Variants in TBCD observed in about 807,000 individuals in gnomAD.
TBCD encodes the protein tubulin-specific chaperone D.
In TBCD, 105 loss-of-function variants were observed where a neutral mutation model predicts 169.3. That is an observed-to-expected ratio of 0.62 (90% confidence interval 0.53 to 0.73). The LOEUF is 0.73. Ranked by LOEUF, TBCD falls within the 30% of genes least tolerant of loss-of-function variation. The pLI is 0.00. For synonymous variants in TBCD, 700 were observed against 643.9 expected (o/e 1.09, Z -1.32); for missense variants, 1,444 against 1,600.1 (o/e 0.90, Z 1.66).
At chr17:82,918,237 G>C (rs2061191797) in intron 23 of TBCD, 1 of 152,236 alleles carries the variant, frequency 6.6e-6, no homozygotes, top group Non-Finnish European at 1.5e-5. Context: ...TGTGTGTCTA[G>C]TTTCGTGCAG....
chr17:82,791,701 C>T (rs945664535), intron 7 of TBCD, among the ~76,000 whole-genome samples: 7 of 152,222 alleles, frequency 4.6e-5, no homozygotes, highest in African/African-American at 1.2e-4. Context: ...GAGGTCACTA[C>T]GTGGGCTGCT....
chr17:82,871,994 C>T (rs1310573481), intron 14 of TBCD, among the ~76,000 whole-genome samples: 1 of 152,136 alleles, frequency 6.6e-6, no homozygotes, highest in Non-Finnish European at 1.5e-5. Flanking sequence ...CGGTGACAGG[C>T]GCTTTTCTCT....
rs760129732 is a variant in TBCD at position 82,870,246 on chromosome 17, G to A, written c.1341G>A (p.Ala447=). 5 of 1,613,212 alleles carry A rather than the reference G, an allele frequency of 3.1e-6. No individual in the cohort carries two copies. Among genetic ancestry groups the A allele is most frequent in the East Asian group, 2.2e-5 (1 of 44,878 alleles). ...LVDVVAVILK[A]LTYDEKRGAC... ...CAGTTGTCGCCGTGATCCTGAAGGC[G>A]CTGACCTACGACGAGAAGCGGGGTG... Residue 447 remains alanine (A), a synonymous_variant, in exon 14 of 39, where the codon GCG becomes GCA. Transcript: ENST00000355528.
intron 13 of TBCD, among the ~76,000 whole-genome samples, chr17:82,867,354 G>A (rs532761543): frequency 6.6e-6 from 1 of 152,332 alleles, no homozygotes; most frequent in South Asian, 2.1e-4. Flanking sequence ...GGGACTCAGC[G>A]GTTTGCACCC....
intron 7 of TBCD, among the ~76,000 whole-genome samples, chr17:82,788,930 A>G (rs2049501157): frequency 6.6e-6 from 1 of 152,230 alleles, no homozygotes; most frequent in Non-Finnish European, 1.5e-5. Flanking sequence ...GAAAGAAGAC[A>G]GCTGATTATC....
At chr17:82,827,193 C>T (rs752606553) in intron 13 of TBCD, among the ~76,000 whole-genome samples, 10 of 152,226 alleles carry the variant, frequency 6.6e-5, no homozygotes, top group Non-Finnish European at 8.8e-5. Context: ...TCCAAGCTCA[C>T]GCCTGACCTC....
intron 23 of TBCD, among the ~76,000 whole-genome samples, chr17:82,916,074 T>C (rs546296232): frequency 4.9e-4 from 75 of 152,358 alleles, no homozygotes; most frequent in African/African-American, 1.7e-3. Context: ...GGGAATTCAC[T>C]GGGATTTACC....
rs771971425 is a variant in TBCD at position 82,937,897 on chromosome 17, A to G, written c.3282-152A>G. ...GTGTAGGCACAGTGCAGATGTACGCACACACACACCTCCGGCTTGGGGCCC... is the reference window on the plus strand; with the variant it reads ...GTGTAGGCACAGTGCAGATGTACGCGCACACACACCTCCGGCTTGGGGCCC... On this transcript the variant is annotated intron_variant, in intron 35 of 38. Coordinates refer to ENST00000355528, the MANE Select transcript of TBCD (RefSeq NM_005993.5). 157 of 1,523,904 alleles carry G rather than the reference A, an allele frequency of 1.0e-4. 1 individual carries two copies. In the Middle Eastern group the frequency reaches 1.5e-3, roughly 15 times the overall value. 94.4% of individuals were successfully genotyped at this position (1,523,904 alleles called of 1,614,324 possible).
At chr17:82,855,991 C>G (rs1040744851) in intron 13 of TBCD, among the ~76,000 whole-genome samples, 102 of 128,060 alleles carry the variant, frequency 8.0e-4, no homozygotes, top group African/African-American at 3.2e-3. Context: ...ACTCCCCCCC[C>G]ACTTTTTTTT....
In TBCD at chr17:82,880,777, GGTCT is replaced by G. The variant is rs1485951167; in HGVS notation, c.1476-3364_1476-3361del. 6.6e-6 allele frequency among the ~76,000 whole-genome samples: 1 copy of G among 152,224 alleles called. No homozygotes were observed. Among genetic ancestry groups the G allele is most frequent in the Non-Finnish European group, 1.5e-5 (1 of 68,034 alleles). On this transcript the variant is annotated intron_variant, in intron 14 of 38. Coordinates refer to ENST00000355528, the MANE Select transcript of TBCD (RefSeq NM_005993.5). The surrounding 1 kb of genome is among the most constrained non-coding windows in gnomAD (Gnocchi z 5.0). ...GAGGGGCTGGGCGGGGAGGACGCAG[GGTCT>G]GTCGGAGCATAGCAGTGGCCCGTAC...
At position 82,831,392 on chromosome 17, in the gene TBCD, G is replaced by A. The variant is rs763602277; in HGVS notation, c.1318+16458G>A. ...GAAGGACTCGAGGCTGGATAGACCA[G>A]GGTGGCTTCTTCAAGCAGGTGAGAG... is the stretch of plus-strand genomic sequence containing the variant. On this transcript the variant is annotated intron_variant, in intron 13 of 38. Coordinates refer to ENST00000355528, the MANE Select transcript of TBCD (RefSeq NM_005993.5). This position sits in a 1 kb window ranked among gnomAD's most constrained non-coding sequence, Gnocchi z 4.6. 9 of 1,614,220 alleles carry A rather than the reference G, an allele frequency of 5.6e-6. No homozygotes were observed. Among genetic ancestry groups the A allele is most frequent in the South Asian group, 1.1e-5 (1 of 91,084 alleles).
rs1661301432 is a variant in TBCD, at chr17:82,807,662, C to G, written c.1142C>G (p.Ala381Gly). ...GACACGGTCGTGCGGTGGTCTGCAG[C>G]CAAGGGGTAGGTGTCTGTGGCCGCA... The part of the protein sequence containing the change: ...DKDTVVRWSA[A>G]KGIGRMAGRL... The change falls in exon 11 of 39, where the codon GCC becomes GGC. Residue 381 changes from alanine (A) to glycine (G), a missense_variant. Physicochemically the swap from Ala to Gly is moderately conservative, Grantham distance 60. Transcript: ENST00000355528. The G allele has an allele frequency of 6.5e-7, 1 of 1,540,768 alleles. No homozygotes were observed. Among genetic ancestry groups the G allele is most frequent in the African/African-American group, 1.4e-5 (1 of 72,464 alleles).
intron 14 of TBCD, among the ~76,000 whole-genome samples, chr17:82,879,647 T>C (rs1466443281): frequency 6.6e-6 from 1 of 152,168 alleles, no homozygotes; most frequent in Non-Finnish European, 1.5e-5. Context: ...AGGTCTGTGA[T>C]TGTTGCTTCT....
chr17:82,927,094 TCTC>T (rs1307909798), intron 28 of TBCD, 89 bp from the exon 29 acceptor site: 11 of 1,566,132 alleles, frequency 7.0e-6, no homozygotes, highest in Non-Finnish European at 9.6e-6. Context: ...GAGCGTGTCT[TCTC>T]AGGATCAGGA....
rs562942244 is a variant in TBCD at position 82,785,143 on chromosome 17, C to T, written c.771+3422C>T. 5.8e-5 allele frequency among the ~76,000 whole-genome samples: 6 copies of T among 103,136 alleles called. No homozygotes were observed. In the South Asian group the frequency reaches 1.9e-3, roughly 33 times the overall value. The allele number at this position is 103,136 out of a possible 152,430, so 67.7% of individuals were successfully genotyped here. On this transcript the variant is annotated intron_variant, in intron 7 of 38. Coordinates refer to ENST00000355528, the MANE Select transcript of TBCD (RefSeq NM_005993.5). ...ACTGGGACCACTGGACCCCACCCATCGCAGCGGGAGGGGGGTCCATGCTGT... is the reference window on the plus strand; with the variant it reads ...ACTGGGACCACTGGACCCCACCCATTGCAGCGGGAGGGGGGTCCATGCTGT...
chr17:82,766,263 A>T lies in TBCD; in HGVS notation c.334-4A>T. 6.2e-7 allele frequency: 1 copy of T among 1,604,454 alleles called. No homozygotes were observed. The highest frequency in any genetic ancestry group is 8.5e-7 in the Non-Finnish European group (1 of 1,174,770). On this transcript the variant is annotated splice_region_variant and splice_polypyrimidine_tract_variant and intron_variant, in intron 3 of 38. Coordinates refer to ENST00000355528, the MANE Select transcript of TBCD (RefSeq NM_005993.5). Reference sequence around the variant, plus strand: ...TTATAATTCAGCATCTCTTTATTTGATAGGTTCGAGGCTATAAAACATTTC... The same window carrying T: ...TTATAATTCAGCATCTCTTTATTTGTTAGGTTCGAGGCTATAAAACATTTC...
chr17:82,927,258 T>A lies in TBCD; in HGVS notation c.2544T>A (p.Ile848=), dbSNP rs1311526766. The A allele has an allele frequency of 6.2e-7, 1 of 1,613,840 alleles. No homozygotes were observed. The highest frequency in any genetic ancestry group is 2.2e-5 in the East Asian group (1 of 44,902). Residue 848 remains isoleucine, a synonymous_variant, in exon 29 of 39, where the codon ATT becomes ATA. Coordinates refer to ENST00000355528, the MANE Select transcript of TBCD (RefSeq NM_005993.5). ...EAVCGENVSQ[I]YCALLGCMDD... ...TGTGCGGAGAGAATGTTTCCCAGAT[T>A]TACTGTGCGCTGCTGGGCTGCATGG...
At chr17:82,888,917 C>T (rs2058941464) in intron 15 of TBCD, among the ~76,000 whole-genome samples, 1 of 152,190 alleles carries the variant, frequency 6.6e-6, no homozygotes, top group African/African-American at 2.4e-5. Flanking sequence ...TGTGGTGTGG[C>T]CGTGGGTGCA....
intron 1 of TBCD, among the ~76,000 whole-genome samples, chr17:82,752,765 C>T (rs947742041): frequency 6.6e-6 from 1 of 152,202 alleles, no homozygotes; most frequent in Non-Finnish European, 1.5e-5. Flanking sequence ...GTCAGCCCTG[C>T]AGTGTGGACT....
Sources: gnomAD v4.1 joint callset for allele counts (sites outside exome capture counted in the v4.1 genomes callset) on GRCh38, gnomAD v4.1.1 for gene constraint, Gnocchi (gnomAD v3.1) non-coding constraint, MANE v1.5 for transcripts, NCBI Gene and HGNC (gene_info 2026-07-23, HGNC 2026-07-21) for gene names.